SIPA1L1: variants seen among roughly 807,000 people sequenced by gnomAD.
SIPA1L1 encodes signal induced proliferation associated 1 like 1, also known as signal-induced proliferation-associated 1-like protein 1.
SIPA1L1 carries 26 observed loss-of-function variants against 162.7 expected under a neutral mutation model. The ratio of observed to expected loss-of-function variants is 0.16; its 90% CI spans 0.12 to 0.22. The LOEUF (loss-of-function observed/expected upper bound fraction) is 0.22. Among genes scored for constraint, SIPA1L1 ranks in the 10% least tolerant of loss-of-function variants. The pLI is 1.00. For missense variants in SIPA1L1, 1,874 were observed against 2,241.0 expected (o/e 0.84, Z 3.31); for synonymous variants, 829 against 837.4 (o/e 0.99, Z 0.17).
chr14:71,519,715 C>G (rs2052108085), intron 3 of SIPA1L1, among the ~76,000 whole-genome samples: 1 of 151,804 alleles, frequency 6.6e-6, no homozygotes. Context: ...ACCTGTAATC[C>G]TAGCTACTCA....
At chr14:71,609,501 C>G (rs2148276907) in intron 5 of SIPA1L1, among the ~76,000 whole-genome samples, 1 of 151,242 alleles carries the variant, frequency 6.6e-6, no homozygotes, top group South Asian at 2.1e-4. Context: ...GAGTCTTGCT[C>G]TGTTGCCCAG....
rs1230826819 is a variant in SIPA1L1 at position 71,723,708 on chromosome 14, A to G, written c.4270A>G (p.Lys1424Glu). The change falls in exon 18 of 24, where the codon AAA becomes GAA. Residue 1424 changes from lysine to glutamate, a missense_variant. Physicochemically the swap from Lys to Glu is moderately conservative, Grantham distance 56. Coordinates refer to ENST00000381232, the MANE Select transcript of SIPA1L1 (RefSeq NM_001386936.1). ...VVFTSARSSP[K>E]EELHPAAPSQ... ...TTTCACCAGTGCCCGGAGTTCACCT[A>G]AAGAAGAGCTTCATCCAGCTGCCCC... The G allele has an allele frequency of 2.5e-6, 4 of 1,614,110 alleles. No individual in the cohort carries two copies. The highest frequency in any genetic ancestry group is 2.2e-5 in the South Asian group (2 of 91,078).
intron 6 of SIPA1L1, 147 bp from the exon 7 acceptor site, chr14:71,623,901 C>T: frequency 1.6e-6 from 1 of 615,524 alleles, no homozygotes; most frequent in Non-Finnish European, 2.8e-6. Context: ...TCACTTTTCT[C>T]ATTCTTTCTC....
chr14:71,515,037 C>A (rs566991010), intron 3 of SIPA1L1, among the ~76,000 whole-genome samples: 87 of 152,306 alleles, frequency 5.7e-4, no homozygotes, highest in Middle Eastern at 3.4e-3. Flanking sequence ...GGAGGCTGTT[C>A]TCCCCCATTT....
At chr14:71,412,591 AG>A in intron 2 of SIPA1L1, among the ~76,000 whole-genome samples, 1 of 152,218 alleles carries the variant, frequency 6.6e-6, no homozygotes, top group African/African-American at 2.4e-5. Flanking sequence ...TTTTTTATTT[AG>A]CTGAATAAAA....
chr14:71,552,716 C>G (rs1019134401), intron 4 of SIPA1L1, among the ~76,000 whole-genome samples: 4 of 152,068 alleles, frequency 2.6e-5, no homozygotes, highest in African/African-American at 9.7e-5. Flanking sequence ...AACTTTTCTC[C>G]TGCAGCAGCT....
chr14:71,627,345 T>A (rs1410145334), intron 7 of SIPA1L1, among the ~76,000 whole-genome samples: 1 of 151,728 alleles, frequency 6.6e-6, no homozygotes. Context: ...TGGGGTTTCA[T>A]CACATTGGCC....
chr14:71,356,567 C>CAAAAAAAAACAAAAAAAAAAAAA (rs2037269208), intron 2 of SIPA1L1, among the ~76,000 whole-genome samples: 1 of 39,172 alleles, frequency 2.6e-5, no homozygotes, highest in African/African-American at 1.1e-4. Flanking sequence ...CTTGTCTCTA[C>CAAAAAAAAACAAAAAAAAAAAAA]AAAAAAAAAA....
chr14:71,360,929 G>A (rs562767443), intron 2 of SIPA1L1, among the ~76,000 whole-genome samples: 2 of 152,278 alleles, frequency 1.3e-5, no homozygotes, highest in East Asian at 3.9e-4. Flanking sequence ...AGGGTAGTAA[G>A]ACATCATATT....
intron 20 of SIPA1L1, among the ~76,000 whole-genome samples, chr14:71,732,484 G>A (rs1452211955): frequency 6.6e-6 from 1 of 152,066 alleles, no homozygotes; most frequent in Non-Finnish European, 1.5e-5. Flanking sequence ...CGCCCTTCCT[G>A]TTATCTGCCT....
intron 5 of SIPA1L1, among the ~76,000 whole-genome samples, chr14:71,607,304 A>G (rs1196538973): frequency 6.6e-6 from 1 of 150,984 alleles, no homozygotes; most frequent in Non-Finnish European, 1.5e-5. Flanking sequence ...TGTGGTGACT[A>G]TTAGTGTTTT....
At chr14:71,350,573 G>A (rs1345085545) in intron 2 of SIPA1L1, among the ~76,000 whole-genome samples, 2 of 152,040 alleles carry the variant, frequency 1.3e-5, no homozygotes, top group African/African-American at 2.4e-5. Context: ...AAATATCCAG[G>A]GAGCAGAATG....
At chr14:71,542,114 C>CT (rs1481945939) in intron 4 of SIPA1L1, among the ~76,000 whole-genome samples, 2 of 152,050 alleles carry the variant, frequency 1.3e-5, no homozygotes, top group Non-Finnish European at 2.9e-5. Context: ...GGGTCTTACT[C>CT]TATCACCCAG....
chr14:71,526,346 C>T (rs145022717), intron 3 of SIPA1L1, among the ~76,000 whole-genome samples: 11 of 152,248 alleles, frequency 7.2e-5, no homozygotes, highest in African/African-American at 2.6e-4. Context: ...TTCTCCCAGT[C>T]TGTATTTTCC....
chr14:71,359,666 T>A (rs578237840), intron 2 of SIPA1L1, among the ~76,000 whole-genome samples: 1 of 152,352 alleles, frequency 6.6e-6, no homozygotes, highest in South Asian at 2.1e-4. Flanking sequence ...GTTGTTTTTT[T>A]AATTGACTTA....
intron 13 of SIPA1L1, among the ~76,000 whole-genome samples, chr14:71,689,774 ACT>A (rs2081120742): frequency 6.6e-6 from 1 of 152,012 alleles, no homozygotes; most frequent in African/African-American, 2.4e-5. Flanking sequence ...CCTGCACTTA[ACT>A]CTTAAGAAGC....
chr14:71,427,549 A>G (rs2043664687), intron 2 of SIPA1L1, among the ~76,000 whole-genome samples: 1 of 152,102 alleles, frequency 6.6e-6, no homozygotes, highest in African/African-American at 2.4e-5. Context: ...CTCACAATGT[A>G]TGTGTTGCTT....
At chr14:71,488,802 T>G (rs1019005558) in intron 2 of SIPA1L1, among the ~76,000 whole-genome samples, 1 of 152,218 alleles carries the variant, frequency 6.6e-6, no homozygotes, top group Non-Finnish European at 1.5e-5. Flanking sequence ...CTGGATGGTA[T>G]TCATGTACTC....
chr14:71,538,803 G>A (rs1255694925), intron 4 of SIPA1L1, among the ~76,000 whole-genome samples: 1 of 152,146 alleles, frequency 6.6e-6, no homozygotes, highest in Non-Finnish European at 1.5e-5. Context: ...TTCTGTTGCA[G>A]TGCTTGATAA....
Sources: gnomAD v4.1 joint callset for allele counts (sites outside exome capture counted in the v4.1 genomes callset) on GRCh38, gnomAD v4.1.1 for gene constraint, MANE v1.5 for transcripts, NCBI Gene and HGNC (gene_info 2026-07-23, HGNC 2026-07-21) for gene names.